The following CRHR1 variants were observed in gnomAD, a reference collection of about 807,000 sequenced individuals.
CRHR1 encodes the protein corticotropin releasing hormone receptor 1.
In CRHR1, 28 loss-of-function variants were observed where a neutral mutation model predicts 56.0. The observed-to-expected ratio is 0.50, with a 90% CI of 0.37 to 0.69. The LOEUF is 0.69. Among genes scored for constraint, CRHR1 ranks in the 30% least tolerant of loss-of-function variants. The probability of loss-of-function intolerance (pLI) is 0.00; values close to 1 mark genes in which losing one functional copy is unlikely to be tolerated. For synonymous variants in CRHR1, 195 were observed against 216.5 expected, an observed-to-expected ratio of 0.90 and a Z score of 0.87; for missense variants, 376 against 548.0, an observed-to-expected ratio of 0.69 and a Z score of 3.13.
intron 1 of CRHR1, chr17:45,799,343 A>T (rs1034869334): frequency 3.3e-5 from 5 of 152,242 alleles, no homozygotes; most frequent in East Asian, 3.8e-4. Context: ...AGGTACAGAG[A>T]CGTTTCTGAA....
At chr17:45,797,448 G>A (rs1598403292) in intron 1 of CRHR1, among the ~76,000 whole-genome samples, 1 of 151,778 alleles carries the variant, frequency 6.6e-6, no homozygotes, top group Admixed American at 6.6e-5. Flanking sequence ...CCGCCACCAC[G>A]CCCAGCTAGT....
At chr17:45,813,316 C>CA (rs2061860762) in intron 2 of CRHR1, among the ~76,000 whole-genome samples, 1 of 152,112 alleles carries the variant, frequency 6.6e-6, no homozygotes, top group Non-Finnish European at 1.5e-5. Context: ...CCAACCCCCC[C>CA]ACCCCAAGCC....
Position 45,808,767 on chromosome 17 carries a change from G to C in CRHR1, c.121+1670G>C, listed in dbSNP as rs374984168. Among the ~76,000 whole-genome samples the C allele has an allele frequency of 4.8e-4, 73 of 152,200 alleles. No homozygotes were observed. In the East Asian group the frequency reaches 9.7e-3, roughly 20 times the overall value. ...GATCTCAAGGAATCCTCCTCTCTCA[G>C]CCTCCTGAGAAGCTAGGACTACGTG... On this transcript the variant is annotated intron_variant, in intron 2 of 12. Coordinates refer to ENST00000314537, the MANE Select transcript of CRHR1 (RefSeq NM_004382.5).
intron 1 of CRHR1, chr17:45,800,669 C>G (rs566218706): frequency 6.6e-6 from 1 of 152,432 alleles, no homozygotes; most frequent in Non-Finnish European, 1.5e-5. Context: ...CCTTGGGGCT[C>G]AGCAGAAGGG....
chr17:45,833,052 C>A (rs1010596791), intron 8 of CRHR1, 86 bp from the exon 9 acceptor site: 4 of 1,224,306 alleles, frequency 3.3e-6, no homozygotes, highest in African/African-American at 2.9e-5. Context: ...CAGCCCCAGT[C>A]CTGTCCTGGC....
intron 2 of CRHR1, 43 bp from the exon 3 acceptor site, chr17:45,816,420 G>A (rs771391041): frequency 1.2e-6 from 2 of 1,610,536 alleles, no homozygotes; most frequent in Admixed American, 3.3e-5. Context: ...TGGGGCCTTG[G>A]CCGGATATCT....
intron 2 of CRHR1, among the ~76,000 whole-genome samples, chr17:45,815,558 A>C (rs953304722): frequency 6.6e-6 from 1 of 152,228 alleles, no homozygotes; most frequent in Non-Finnish European, 1.5e-5. Context: ...CCATTTCCCC[A>C]TTAAAATGCA....
At position 45,834,935 on chromosome 17, in the gene CRHR1, A is replaced by G; in HGVS notation, c.*171A>G. 1.1e-6 allele frequency: 1 copy of G among 876,048 alleles called. No homozygotes were observed. The highest frequency in any genetic ancestry group is 1.7e-6 in the Non-Finnish European group (1 of 584,640). 54.3% of individuals were successfully genotyped at this position (876,048 alleles called of 1,614,324 possible). A position where few individuals can be genotyped will look rare whatever the true frequency, so the allele number is the denominator to read the frequency against. On this transcript the variant is annotated 3_prime_UTR_variant, in exon 13 of 13. Coordinates refer to ENST00000314537, the MANE Select transcript of CRHR1 (RefSeq NM_004382.5). ...CGCTCTCCCCCTGCAGCCGTGCAGG[A>G]CTCTAGCTCATGAGTGGAAAGTCAC...
intron 1 of CRHR1, among the ~76,000 whole-genome samples, chr17:45,790,422 G>A (rs938853054): frequency 2.0e-5 from 3 of 152,180 alleles, no homozygotes; most frequent in East Asian, 1.9e-4. Flanking sequence ...TTTGGAAGAC[G>A]GGTTCCCCTT....
At chr17:45,833,647 C>T (rs1206521164) in intron 10 of CRHR1, 67 bp from the exon 11 acceptor site, 22 of 1,602,760 alleles carry the variant, frequency 1.4e-5, no homozygotes, top group South Asian at 3.3e-5. Flanking sequence ...CCCTCTTTGC[C>T]GAGCCAGCGG....
intron 8 of CRHR1, 21 bp from the exon 9 acceptor site, chr17:45,833,117 C>A: frequency 6.2e-7 from 1 of 1,608,224 alleles, no homozygotes; most frequent in Non-Finnish European, 8.5e-7. Flanking sequence ...CCTTCCTCCC[C>A]TTTCCTCTGT....
At chr17:45,826,287 G>A (rs140528975) in intron 4 of CRHR1, 12 of 152,280 alleles carry the variant, frequency 7.9e-5, no homozygotes, top group African/African-American at 2.9e-4. Flanking sequence ...AGGCCTTGCT[G>A]TCTCTCTAAA....
intron 8 of CRHR1, among the ~76,000 whole-genome samples, chr17:45,832,539 C>A (rs1414615244): frequency 6.6e-6 from 1 of 152,206 alleles, no homozygotes; most frequent in Non-Finnish European, 1.5e-5. Flanking sequence ...TCTTCATACC[C>A]ACGAGGACAT....
At position 45,796,294 on chromosome 17, in the gene CRHR1, A is replaced by G. The variant is rs1345611574; in HGVS notation, c.34-10716A>G. Among the ~76,000 whole-genome samples the G allele has an allele frequency of 4.0e-5, 6 of 151,844 alleles. No individual in the cohort carries two copies. In the East Asian group the frequency reaches 9.8e-4, roughly 25 times the overall value. On this transcript the variant is annotated intron_variant, in intron 1 of 12. Transcript: ENST00000314537. ...AGCTCCCAGGGGCAGGCACTGGATC[A>G]GAACCCTGGGCTGGGCTCCCCTCTT...
intron 1 of CRHR1, among the ~76,000 whole-genome samples, chr17:45,791,589 CCTCT>C (rs2061425964): frequency 6.6e-6 from 1 of 152,128 alleles, no homozygotes; most frequent in Non-Finnish European, 1.5e-5. Flanking sequence ...CTGGAAACTT[CCTCT>C]CTGTTTCTCA....
At position 45,829,570 on chromosome 17, in the gene CRHR1, C is replaced by A. The variant is rs751894189; in HGVS notation, c.434+249C>A. The stretch of plus-strand genomic sequence containing the variant: ...TGTCACCCATACCCAGGCCAGGCTG[C>A]ACCCATTGGGGTGACCAGGCAGATG... On this transcript the variant is annotated intron_variant, in intron 5 of 12. Transcript: ENST00000314537. 4 of 1,550,202 alleles carry A rather than the reference C, an allele frequency of 2.6e-6. No individual in the cohort carries two copies. The East Asian group carries it at 9.8e-5, about 38-fold the overall frequency.
At chr17:45,807,172 G>T in intron 2 of CRHR1, 75 bp downstream of exon 2, 6 of 1,365,750 alleles carry the variant, frequency 4.4e-6, no homozygotes, top group Non-Finnish European at 5.2e-6. Context: ...CCCAGAGCCT[G>T]CACACAGAAC....
chr17:45,804,658 G>A (rs1163802026), intron 1 of CRHR1, among the ~76,000 whole-genome samples: 3 of 152,162 alleles, frequency 2.0e-5, no homozygotes, highest in South Asian at 2.1e-4. Context: ...AGGGTGAGTG[G>A]AGAGGAGTCC....
intron 1 of CRHR1, among the ~76,000 whole-genome samples, chr17:45,796,382 G>A (rs975375748): frequency 3.9e-5 from 6 of 152,166 alleles, no homozygotes; most frequent in Admixed American, 6.5e-5. Flanking sequence ...ACTGTTGTCC[G>A]CCCCCTCGTT....
Sources: gnomAD v4.1 joint callset for allele counts (sites outside exome capture counted in the v4.1 genomes callset) on GRCh38, gnomAD v4.1.1 for gene constraint, MANE v1.5 for transcripts, NCBI Gene and HGNC (gene_info 2026-07-23, HGNC 2026-07-21) for gene names.